RAP1GDS1: variants seen among roughly 807,000 people sequenced by gnomAD.
RAP1GDS1 encodes RAP1, GTP-GDP dissociation stimulator 1.
In RAP1GDS1, 35 loss-of-function variants were observed where a neutral mutation model predicts 71.1. The ratio of observed to expected loss-of-function variants is 0.49; its 90% CI spans 0.38 to 0.65. The LOEUF (loss-of-function observed/expected upper bound fraction) is 0.65, where lower values mean the gene tolerates loss of function less well. Ranked by LOEUF, RAP1GDS1 falls within the 30% of genes least tolerant of loss-of-function variation. The pLI is 0.00. For missense variants in RAP1GDS1, 663 were observed against 706.1 expected (o/e 0.94, Z 0.69); for synonymous variants, 229 against 243.1 (o/e 0.94, Z 0.54).
intron 12 of RAP1GDS1, among the ~76,000 whole-genome samples, chr4:98,433,679 T>C (rs938484582): frequency 6.6e-6 from 1 of 152,200 alleles, no homozygotes; most frequent in African/African-American, 2.4e-5. Context: ...CTTTGGTAGC[T>C]TCTAAGCCTT....
At chr4:98,299,602 G>T (rs1728276094) in intron 2 of RAP1GDS1, among the ~76,000 whole-genome samples, 1 of 151,606 alleles carries the variant, frequency 6.6e-6, no homozygotes, top group African/African-American at 2.4e-5. Flanking sequence ...ACTTCTTATA[G>T]ATGAGAAAAG....
At chr4:98,410,041 C>T (rs1290936919) in intron 7 of RAP1GDS1, among the ~76,000 whole-genome samples, 3 of 152,168 alleles carry the variant, frequency 2.0e-5, no homozygotes, top group South Asian at 2.1e-4. Context: ...GAGGGCAAGA[C>T]GAGGATCACT....
chr4:98,412,376 A>G (rs930612589), intron 7 of RAP1GDS1, among the ~76,000 whole-genome samples: 1 of 152,128 alleles, frequency 6.6e-6, no homozygotes, highest in Non-Finnish European at 1.5e-5. Context: ...TTAGCCAGGC[A>G]TGGTGGCATG....
chr4:98,287,831 A>G (rs953409051), intron 1 of RAP1GDS1, among the ~76,000 whole-genome samples: 1 of 152,068 alleles, frequency 6.6e-6, no homozygotes, highest in African/African-American at 2.4e-5. Flanking sequence ...TTCACAAAAC[A>G]TATTTAGTAT....
chr4:98,337,706 G>A (rs1204081762), intron 2 of RAP1GDS1, among the ~76,000 whole-genome samples: 1 of 152,186 alleles, frequency 6.6e-6, no homozygotes, highest in Admixed American at 6.5e-5. Context: ...GACAGTGTGA[G>A]TCTAATGAGT....
At chr4:98,372,529 T>C (rs1049071044) in intron 4 of RAP1GDS1, among the ~76,000 whole-genome samples, 2 of 152,220 alleles carry the variant, frequency 1.3e-5, no homozygotes, top group Non-Finnish European at 2.9e-5. Flanking sequence ...TTGCAATATT[T>C]ATTCTTAGCT....
At chr4:98,283,113 C>G (rs1431032962) in intron 1 of RAP1GDS1, among the ~76,000 whole-genome samples, 4 of 152,094 alleles carry the variant, frequency 2.6e-5, no homozygotes, top group African/African-American at 9.7e-5. Context: ...AATTTTTTAA[C>G]TTTTCTGAAA....
intron 1 of RAP1GDS1, among the ~76,000 whole-genome samples, chr4:98,272,214 ATAAT>A (rs1723560747): frequency 6.6e-6 from 1 of 152,252 alleles, no homozygotes; most frequent in East Asian, 1.9e-4. Context: ...TGCATTTTAA[ATAAT>A]TATTACTAGG....
At chr4:98,400,171 C>A (rs967020003) in intron 6 of RAP1GDS1, among the ~76,000 whole-genome samples, 5 of 150,404 alleles carry the variant, frequency 3.3e-5, no homozygotes, top group Admixed American at 6.7e-5. Context: ...TAAAAAAAAA[C>A]ACAAATAGAA....
At chr4:98,318,992 G>T (rs530819960) in intron 2 of RAP1GDS1, among the ~76,000 whole-genome samples, 3 of 152,132 alleles carry the variant, frequency 2.0e-5, no homozygotes, top group Admixed American at 1.3e-4. Context: ...TCTCTGGGGG[G>T]GGAAATGAGG....
chr4:98,358,548 C>T (rs1287689551), intron 4 of RAP1GDS1, among the ~76,000 whole-genome samples: 1 of 151,898 alleles, frequency 6.6e-6, no homozygotes, highest in East Asian at 1.9e-4. Flanking sequence ...ATCCTTTTCT[C>T]TGTGTTGTGT....
intron 1 of RAP1GDS1, among the ~76,000 whole-genome samples, chr4:98,267,020 C>T (rs1418215240): frequency 6.6e-6 from 1 of 152,148 alleles, no homozygotes; most frequent in Admixed American, 6.6e-5. Flanking sequence ...GAGGAAGATT[C>T]AGTCCTTTGG....
intron 14 of RAP1GDS1, among the ~76,000 whole-genome samples, chr4:98,438,048 A>T (rs895370905): frequency 1.3e-5 from 2 of 151,600 alleles, no homozygotes; most frequent in African/African-American, 4.9e-5. Flanking sequence ...AGATTTACCT[A>T]TTTCTCCTTT....
intron 4 of RAP1GDS1, among the ~76,000 whole-genome samples, chr4:98,363,961 T>C (rs1006928152): frequency 2.6e-5 from 4 of 152,098 alleles, no homozygotes; most frequent in African/African-American, 9.6e-5. Flanking sequence ...CTTGAGTACC[T>C]GGACAGAAGA....
intron 14 of RAP1GDS1, among the ~76,000 whole-genome samples, chr4:98,438,046 C>G (rs946297369): frequency 6.6e-6 from 1 of 151,860 alleles, no homozygotes; most frequent in African/African-American, 2.4e-5. Flanking sequence ...GTAGATTTAC[C>G]TATTTCTCCT....
chr4:98,407,298 C>G (rs1340298778), intron 7 of RAP1GDS1, among the ~76,000 whole-genome samples: 1 of 151,690 alleles, frequency 6.6e-6, no homozygotes, highest in Non-Finnish European at 1.5e-5. Context: ...TGCACTTGTA[C>G]TCCCTAAATC....
chr4:98,393,515 G>GAAAT (rs1744048251), intron 6 of RAP1GDS1, among the ~76,000 whole-genome samples: 1 of 152,200 alleles, frequency 6.6e-6, no homozygotes, highest in Non-Finnish European at 1.5e-5. Flanking sequence ...ATGGTTGGCA[G>GAAAT]AAATAAAACA....
intron 3 of RAP1GDS1, among the ~76,000 whole-genome samples, chr4:98,349,913 T>G (rs1736914007): frequency 6.6e-6 from 1 of 152,184 alleles, no homozygotes; most frequent in South Asian, 2.1e-4. Flanking sequence ...CTACCACTCT[T>G]TGTTTAAAAA....
At chr4:98,292,653 T>C (rs1212289666) in intron 1 of RAP1GDS1, among the ~76,000 whole-genome samples, 1 of 152,170 alleles carries the variant, frequency 6.6e-6, no homozygotes, top group Non-Finnish European at 1.5e-5. Context: ...ATTATGTTAA[T>C]GTGCAGTAGG....
Sources: allele counts gnomAD v4.1 joint callset (sites outside exome capture counted in the v4.1 genomes callset), GRCh38; gene constraint gnomAD v4.1.1; transcripts MANE v1.5; gene names NCBI Gene and HGNC (gene_info 2026-07-23, HGNC 2026-07-21).